The following GPC5 variants were observed in gnomAD, a reference collection of about 807,000 sequenced individuals.
GPC5 encodes glypican 5, also known as glypican-5.
A neutral mutation model predicts 53.9 loss-of-function variants in GPC5; 47 were observed. The ratio of observed to expected loss-of-function variants is 0.87; its 90% CI spans 0.69 to 1.11. The LOEUF (loss-of-function observed/expected upper bound fraction) is 1.11, where lower values mean the gene tolerates loss of function less well. GPC5 is among the 50% of genes most tolerant of loss of function. The probability of loss-of-function intolerance (pLI) is 0.00; values close to 1 mark genes in which losing one functional copy is unlikely to be tolerated. For missense variants in GPC5, 748 were observed against 713.1 expected (o/e 1.05, Z -0.56); for synonymous variants, 286 against 263.3 (o/e 1.09, Z -0.84).
At chr13:91,816,557 C>T (rs2038403130) in intron 5 of GPC5, among the ~76,000 whole-genome samples, 1 of 152,112 alleles carries the variant, frequency 6.6e-6, no homozygotes. Context: ...GTGATTTCAT[C>T]CCAGCAGCCA....
chr13:92,769,309 C>T (rs183453777), intron 7 of GPC5, among the ~76,000 whole-genome samples: 12 of 152,202 alleles, frequency 7.9e-5, no homozygotes, highest in African/African-American at 2.6e-4. Context: ...TTTCTTCATT[C>T]AAAATATTCC....
chr13:91,673,003 T>C (rs182081058), intron 2 of GPC5, among the ~76,000 whole-genome samples: 14 of 152,108 alleles, frequency 9.2e-5, no homozygotes, highest in Non-Finnish European at 2.1e-4. Flanking sequence ...AAGTGCATGT[T>C]CTCATTCGTA....
At chr13:92,526,291 C>T (rs1046344271) in intron 7 of GPC5, among the ~76,000 whole-genome samples, 3 of 152,022 alleles carry the variant, frequency 2.0e-5, no homozygotes, top group Non-Finnish European at 4.4e-5. Flanking sequence ...CCAATTAGGT[C>T]GTCAGTGAAT....
intron 7 of GPC5, among the ~76,000 whole-genome samples, chr13:92,309,377 A>T (rs540205080): frequency 9.9e-5 from 15 of 152,230 alleles, no homozygotes; most frequent in African/African-American, 3.6e-4. Context: ...ACATATATAG[A>T]TGTAATTAAA....
intron 2 of GPC5, among the ~76,000 whole-genome samples, chr13:91,629,980 C>T (rs571875193): frequency 3.9e-5 from 6 of 152,098 alleles, no homozygotes; most frequent in African/African-American, 1.2e-4. Context: ...CAATGATCAT[C>T]TTTATCGCCA....
At chr13:91,973,950 C>A (rs919847018) in intron 6 of GPC5, among the ~76,000 whole-genome samples, 3 of 152,224 alleles carry the variant, frequency 2.0e-5, no homozygotes, top group East Asian at 3.9e-4. Context: ...CTTGAGGAGG[C>A]AGTATGCCCG....
chr13:92,200,033 T>C (rs1157887575), intron 7 of GPC5, among the ~76,000 whole-genome samples: 2 of 152,216 alleles, frequency 1.3e-5, no homozygotes, highest in Admixed American at 1.3e-4. Context: ...CAATGTATTT[T>C]CATTGAGAAT....
intron 7 of GPC5, among the ~76,000 whole-genome samples, chr13:92,672,328 G>A (rs1025412318): frequency 6.6e-6 from 1 of 152,108 alleles, no homozygotes; most frequent in African/African-American, 2.4e-5. Flanking sequence ...CAAGACCACA[G>A]TAAGATACCA....
chr13:91,563,610 A>C (rs1319256441), intron 2 of GPC5, among the ~76,000 whole-genome samples: 2 of 152,228 alleles, frequency 1.3e-5, no homozygotes, highest in African/African-American at 2.4e-5. Context: ...TTCTTTAGTC[A>C]TGACACAAAT....
intron 6 of GPC5, among the ~76,000 whole-genome samples, chr13:92,100,532 A>G (rs2041457820): frequency 6.6e-6 from 1 of 152,188 alleles, no homozygotes; most frequent in South Asian, 2.1e-4. Flanking sequence ...TTAAAACTAC[A>G]ATACTTATGT....
chr13:92,130,928 TAAG>T (rs1208468796), intron 6 of GPC5, among the ~76,000 whole-genome samples: 13 of 151,292 alleles, frequency 8.6e-5, no homozygotes, highest in Non-Finnish European at 1.5e-4. Context: ...TGGCAAAAAA[TAAG>T]AAAAAGATAG....
chr13:91,661,713 T>G (rs1008424423), intron 2 of GPC5, among the ~76,000 whole-genome samples: 1 of 151,334 alleles, frequency 6.6e-6, no homozygotes, highest in Non-Finnish European at 1.5e-5. Context: ...TTCCTGAGAG[T>G]TGGGGGAAAG....
intron 7 of GPC5, among the ~76,000 whole-genome samples, chr13:92,224,681 A>G (rs976223557): frequency 1.3e-5 from 2 of 152,218 alleles, no homozygotes; most frequent in African/African-American, 4.8e-5. Context: ...GGGTGTCTAA[A>G]TGACAGTTCC....
rs183148715 is a variant in GPC5, at chr13:91,911,020, G to A, written c.1401+2963G>A. Among the ~76,000 whole-genome samples, 257 of 152,250 alleles carry A rather than the reference G, an allele frequency of 1.7e-3. 4 individuals carry two copies. The highest frequency in any genetic ancestry group is 2.0e-3 in the Non-Finnish European group (137 of 68,018). ...TTGATTCTGAATAAGGAGAAGAAAG[G>A]AGTCACAGGAAAACCTGTGAGAACT... On this transcript the variant is annotated intron_variant, in intron 6 of 7. Coordinates refer to ENST00000377067, the MANE Select transcript of GPC5 (RefSeq NM_004466.6).
rs751942097 is a variant in GPC5 at position 91,629,599 on chromosome 13, C to T, written c.326-63588C>T. On this transcript the variant is annotated intron_variant, in intron 2 of 7. Coordinates refer to ENST00000377067, the MANE Select transcript of GPC5 (RefSeq NM_004466.6). ...CAGAGGTTGCAGTGAGCAGAGATCA[C>T]GCTATTACACTCCAGCCTGGGTGAC... is the stretch of plus-strand genomic sequence containing the variant. Among the ~76,000 whole-genome samples, 11 of 152,028 alleles carry T rather than the reference C, an allele frequency of 7.2e-5. No individual in the cohort carries two copies. In the East Asian group the frequency reaches 9.7e-4, roughly 13 times the overall value.
At chr13:92,551,682 A>C (rs1478851643) in intron 7 of GPC5, among the ~76,000 whole-genome samples, 1 of 151,920 alleles carries the variant, frequency 6.6e-6, no homozygotes, top group African/African-American at 2.4e-5. Context: ...TGAAGTCTAG[A>C]TGTTAAGCTC....
intron 7 of GPC5, among the ~76,000 whole-genome samples, chr13:92,581,688 A>T (rs1416589262): frequency 6.6e-6 from 1 of 152,154 alleles, no homozygotes; most frequent in Non-Finnish European, 1.5e-5. Context: ...ACAAACAGTT[A>T]AAAAGTTTCC....
intron 1 of GPC5, among the ~76,000 whole-genome samples, chr13:91,403,533 T>G (rs770390857): frequency 6.6e-6 from 1 of 152,196 alleles, no homozygotes; most frequent in Admixed American, 6.5e-5. Context: ...GGGGAATGTT[T>G]AGTTATTTTT....
intron 7 of GPC5, among the ~76,000 whole-genome samples, chr13:92,580,742 C>T (rs550043990): frequency 2.6e-5 from 4 of 152,152 alleles, no homozygotes; most frequent in African/African-American, 9.6e-5. Context: ...TGCGAGAATT[C>T]ACTTATTATC....
Sources: allele counts gnomAD v4.1 joint callset (sites outside exome capture counted in the v4.1 genomes callset), GRCh38; gene constraint gnomAD v4.1.1; transcripts MANE v1.5; gene names NCBI Gene and HGNC (gene_info 2026-07-23, HGNC 2026-07-21).